The following LIMCH1 variants were observed in gnomAD, a reference collection of about 807,000 sequenced individuals.
LIMCH1 encodes the protein LIM and calponin homology domains-containing protein 1.
Under a neutral mutation model 176.5 loss-of-function variants are expected in LIMCH1, and 113 were observed. The ratio of observed to expected loss-of-function variants is 0.64; its 90% CI spans 0.55 to 0.75. The LOEUF is 0.75. Among genes scored for constraint, LIMCH1 ranks in the 30% least tolerant of loss-of-function variants. The probability of loss-of-function intolerance (pLI) is 0.00; values close to 1 mark genes in which losing one functional copy is unlikely to be tolerated. For synonymous variants in LIMCH1, 619 were observed against 645.9 expected, an observed-to-expected ratio of 0.96 and a Z score of 0.63; for missense variants, 1,674 against 1,814.9, an observed-to-expected ratio of 0.92 and a Z score of 1.41.
Position 41,416,291 on chromosome 4 carries a change from C to T in LIMCH1, c.96+55355C>T, listed in dbSNP as rs145620005. Among the ~76,000 whole-genome samples, 426 of 152,142 alleles carry T rather than the reference C, an allele frequency of 2.8e-3. 1 individual carries two copies. Among genetic ancestry groups the T allele is most frequent in the East Asian group, 0.013 (65 of 5,184 alleles). On this transcript the variant is annotated intron_variant, in intron 1 of 26. Coordinates refer to the LIMCH1 transcript ENST00000313860. ...AATAGAAGATTTTAAAACCTGGTCA[C>T]GATAATAACAATAATATTGAAACCC...
At chr4:41,646,387 C>T in intron 16 of LIMCH1, 98 bp from the exon 17 acceptor site, 9 of 1,499,898 alleles carry the variant, frequency 6.0e-6, no homozygotes, top group Non-Finnish European at 8.1e-6. Context: ...ATTTTATATT[C>T]CCTGTACTAT....
At chr4:41,422,256 C>T (rs530129988) in intron 1 of LIMCH1, among the ~76,000 whole-genome samples, 2 of 152,158 alleles carry the variant, frequency 1.3e-5, no homozygotes, top group East Asian at 1.9e-4. Context: ...TGAGTGATCT[C>T]GGCTCACTGC....
intron 1 of LIMCH1, among the ~76,000 whole-genome samples, chr4:41,558,835 A>G (rs1253165181): frequency 1.3e-5 from 2 of 152,216 alleles, no homozygotes; most frequent in African/African-American, 4.8e-5. Flanking sequence ...TGCTATAAAG[A>G]GGAGGGTTCC....
At chr4:41,414,151 G>T (rs996052155) in intron 1 of LIMCH1, among the ~76,000 whole-genome samples, 3 of 151,762 alleles carry the variant, frequency 2.0e-5, no homozygotes, top group African/African-American at 2.4e-5. Flanking sequence ...TTAACAGGAT[G>T]GGGGGGCAGG....
intron 2 of LIMCH1, among the ~76,000 whole-genome samples, chr4:41,516,134 C>T (rs1025703058): frequency 6.6e-6 from 1 of 152,212 alleles, no homozygotes; most frequent in African/African-American, 2.4e-5. Flanking sequence ...TCATCCTAAG[C>T]TTGTAGCTTA....
intron 2 of LIMCH1, among the ~76,000 whole-genome samples, chr4:41,507,672 A>G (rs1203324667): frequency 6.6e-6 from 1 of 152,208 alleles, no homozygotes; most frequent in East Asian, 1.9e-4. Context: ...ACAGGGACAA[A>G]GGCAGGAGGG....
chr4:41,565,128 T>C (rs1016729294), intron 1 of LIMCH1, among the ~76,000 whole-genome samples: 1 of 152,070 alleles, frequency 6.6e-6, no homozygotes, highest in Non-Finnish European at 1.5e-5. Context: ...AAATTAGACC[T>C]TGGTAGGTTG....
At position 41,633,586 on chromosome 4, in the gene LIMCH1, CAGA is replaced by C. The variant is rs1288942237; in HGVS notation, c.1872_1874del (p.Glu625del). The C allele has an allele frequency of 9.1e-6, 14 of 1,536,084 alleles. No individual in the cohort carries two copies. In the East Asian group the frequency reaches 3.4e-4, roughly 38 times the overall value. On this transcript the variant is annotated inframe_deletion, in exon 13 of 32. Transcript: ENST00000503057. Reference sequence around the variant, plus strand: ...GCCTCTGAGTGTGAGGCTTCAGGGACAGAAGAGAAGTTGGAGAAGATGACAGCT... The same window carrying C: ...GCCTCTGAGTGTGAGGCTTCAGGGACAGAGAAGTTGGAGAAGATGACAGCT...
chr4:41,631,061 T>G, intron 9 of LIMCH1, 87 bp from the exon 10 acceptor site: 1 of 1,213,026 alleles, frequency 8.2e-7, no homozygotes, highest in Non-Finnish European at 1.1e-6. Flanking sequence ...GCCAACTACT[T>G]CTAGTTTTTT....
At chr4:41,423,654 T>G (rs962451821) in intron 1 of LIMCH1, among the ~76,000 whole-genome samples, 1 of 151,974 alleles carries the variant, frequency 6.6e-6, no homozygotes, top group African/African-American at 2.4e-5. Context: ...AGAGTGAGGG[T>G]GGGACCAAAA....
At chr4:41,498,716 A>G (rs531697837) in intron 2 of LIMCH1, among the ~76,000 whole-genome samples, 1 of 152,206 alleles carries the variant, frequency 6.6e-6, no homozygotes, top group Non-Finnish European at 1.5e-5. Context: ...CCCAGGTTGG[A>G]GTCATTAGCA....
intron 19 of LIMCH1, chr4:41,661,867 A>C: frequency 2.6e-6 from 1 of 384,066 alleles, no homozygotes; most frequent in East Asian, 7.2e-5. Context: ...GAGGTCAAAA[A>C]CATAAAAATA....
chr4:41,606,126 C>A (rs186517212), intron 4 of LIMCH1, 122 bp downstream of exon 4: 4 of 610,922 alleles, frequency 6.5e-6, no homozygotes, highest in South Asian at 5.7e-5. Context: ...AAGATATGCA[C>A]TCAAGGAAAC....
intron 9 of LIMCH1, 38 bp downstream of exon 9, chr4:41,629,772 C>A: frequency 6.7e-7 from 1 of 1,500,958 alleles, no homozygotes; most frequent in South Asian, 1.3e-5. Flanking sequence ...CCCTGGCAGT[C>A]ATGGTATTTC....
chr4:41,632,301 C>G (rs2093366308), intron 10 of LIMCH1, among the ~76,000 whole-genome samples: 1 of 152,106 alleles, frequency 6.6e-6, no homozygotes, highest in Admixed American at 6.6e-5. Flanking sequence ...TATACCTTGC[C>G]CTTGAAATCC....
intron 18 of LIMCH1, among the ~76,000 whole-genome samples, chr4:41,653,336 TAAA>T (rs11288179): frequency 1.4e-5 from 2 of 141,946 alleles, no homozygotes; most frequent in African/African-American, 2.6e-5. Context: ...ATACTCCTGT[TAAA>T]AAAAAAAAAA....
chr4:41,410,528 T>G (rs924620326), intron 1 of LIMCH1, among the ~76,000 whole-genome samples: 1 of 152,138 alleles, frequency 6.6e-6, no homozygotes, highest in Non-Finnish European at 1.5e-5. Flanking sequence ...GGATCTGCCC[T>G]CAAACCACTT....
chr4:41,522,602 A>G (rs1490877067), intron 2 of LIMCH1, among the ~76,000 whole-genome samples: 1 of 152,202 alleles, frequency 6.6e-6, no homozygotes, highest in Non-Finnish European at 1.5e-5. Flanking sequence ...AGAATTTTGT[A>G]CATTTAAAAA....
Position 41,686,815 on chromosome 4 carries a change from C to T in LIMCH1, c.4088+985C>T, listed in dbSNP as rs143066400. Among the ~76,000 whole-genome samples, 863 of 152,248 alleles carry T rather than the reference C, an allele frequency of 5.7e-3. 5 individuals are homozygous for T. The highest frequency in any genetic ancestry group is 0.018 in the African/African-American group (763 of 41,546). On this transcript the variant is annotated intron_variant, in intron 28 of 31. Coordinates refer to ENST00000503057, the MANE Select transcript of LIMCH1 (RefSeq NM_001330672.2). ...TGTTACATTTTCCTTTTTCCCAGTGCAATATTTGAACCATTTCCTGTTTCT... is the reference window on the plus strand; with the variant it reads ...TGTTACATTTTCCTTTTTCCCAGTGTAATATTTGAACCATTTCCTGTTTCT...
Sources: allele counts gnomAD v4.1 joint callset (sites outside exome capture counted in the v4.1 genomes callset), GRCh38; gene constraint gnomAD v4.1.1; transcripts MANE v1.5; gene names NCBI Gene and HGNC (gene_info 2026-07-23, HGNC 2026-07-21).